The following PCDHA7 variants were observed in gnomAD, a reference collection of about 807,000 sequenced individuals.
The protein encoded by PCDHA7 is protocadherin alpha 7, also known as protocadherin alpha-7.
A neutral mutation model predicts 57.2 loss-of-function variants in PCDHA7; 37 were observed. The ratio of observed to expected loss-of-function variants is 0.65; its 90% CI spans 0.50 to 0.85. PCDHA7 has a LOEUF of 0.85. Ranked by LOEUF, PCDHA7 falls within the 40% of genes least tolerant of loss-of-function variation. PCDHA7 has a pLI of 0.00. For missense variants in PCDHA7, 1,188 were observed against 1,241.8 expected (o/e 0.96, Z 0.65); for synonymous variants, 553 against 558.8 (o/e 0.99, Z 0.15).
intron 1 of PCDHA7, chr5:140,968,792 A>G (rs200477554): frequency 2.5e-6 from 4 of 1,614,186 alleles, no homozygotes; most frequent in Admixed American, 3.3e-5. Flanking sequence ...CTCTGTGGCC[A>G]TTACAGTAGC....
intron 1 of PCDHA7, chr5:140,842,822 G>A (rs2150345251): frequency 1.9e-6 from 3 of 1,593,810 alleles, no homozygotes; most frequent in South Asian, 2.2e-5. Context: ...GCGGGTGGGC[G>A]AGCGCTCGCT....
At chr5:140,967,073 G>A (rs1554229137) in intron 1 of PCDHA7, 1 of 1,613,160 alleles carries the variant, frequency 6.2e-7, no homozygotes, top group South Asian at 1.1e-5. Flanking sequence ...CTTCGTCAAC[G>A]AGCGCATTGA....
chr5:140,968,035 G>A, intron 1 of PCDHA7: 1 of 1,614,184 alleles, frequency 6.2e-7, no homozygotes, highest in South Asian at 1.1e-5. Flanking sequence ...CACTGGTGGT[G>A]AGCGGCCCAC....
chr5:140,943,632 G>A (rs1351799858), intron 1 of PCDHA7, among the ~76,000 whole-genome samples: 1 of 152,098 alleles, frequency 6.6e-6, no homozygotes, highest in Non-Finnish European at 1.5e-5. Flanking sequence ...AAGGAAGCTG[G>A]ATTATGGATA....
At chr5:140,966,825 T>C in intron 1 of PCDHA7, 3 of 1,560,026 alleles carry the variant, frequency 1.9e-6, no homozygotes, top group Non-Finnish European at 2.6e-6. Flanking sequence ...CGGCGGCCCA[T>C]GCCCTGGCTG....
At chr5:140,849,606 C>A (rs2150442387) in intron 1 of PCDHA7, 1 of 1,598,692 alleles carries the variant, frequency 6.3e-7, no homozygotes, top group East Asian at 2.2e-5. Context: ...AGTTATTGCC[C>A]TGATTAGTGT....
chr5:140,842,984 G>T (rs2150349206), intron 1 of PCDHA7: 2 of 1,595,034 alleles, frequency 1.3e-6, no homozygotes, highest in Non-Finnish European at 8.6e-7. Flanking sequence ...GCAGGTGTTC[G>T]TGCTGGACGA....
Position 140,835,616 on chromosome 5 carries a change from C to T in PCDHA7, c.1233C>T (p.Ser411=). Residue 411 remains serine, a synonymous_variant, in exon 1 of 4, where the codon AGC becomes AGT. Coordinates refer to ENST00000525929, the MANE Select transcript of PCDHA7 (RefSeq NM_018910.3). ...ATTACTATTCATTGGTGCTGGACAGCGCTCTGGACCGCGAGAGTGTGTCCG... is the reference window on the plus strand; with the variant it reads ...ATTACTATTCATTGGTGCTGGACAGTGCTCTGGACCGCGAGAGTGTGTCCG... ...FKNYYSLVLD[S]ALDRESVSAY... is the part of the protein sequence containing the mutation. 6.2e-7 allele frequency: 1 copy of T among 1,613,886 alleles called. No homozygotes were observed. The highest frequency in any genetic ancestry group is 2.2e-5 in the East Asian group (1 of 44,828).
chr5:140,843,854 A>G, intron 1 of PCDHA7: 1 of 943,502 alleles, frequency 1.1e-6, no homozygotes, highest in Non-Finnish European at 1.6e-6. Flanking sequence ...ACCTTTTATA[A>G]TTAATTGAAT....
intron 3 of PCDHA7, among the ~76,000 whole-genome samples, chr5:141,005,407 T>C (rs2098211600): frequency 1.3e-5 from 2 of 151,168 alleles, no homozygotes; most frequent in Admixed American, 1.3e-4. Context: ...ACTTGAAGAG[T>C]GAGGAGTCAT....
intron 3 of PCDHA7, among the ~76,000 whole-genome samples, chr5:140,990,611 G>A (rs577900189): frequency 6.6e-6 from 1 of 152,116 alleles, no homozygotes; most frequent in Non-Finnish European, 1.5e-5. Context: ...GATGAATACC[G>A]TAAAGGTCTG....
chr5:140,908,351 AACTT>A (rs1422870011), intron 1 of PCDHA7, among the ~76,000 whole-genome samples: 5 of 152,154 alleles, frequency 3.3e-5, no homozygotes, highest in African/African-American at 1.2e-4. Context: ...TACCTCATGT[AACTT>A]ACTTGTGCCT....
At chr5:140,999,182 G>T (rs1285087964) in intron 3 of PCDHA7, among the ~76,000 whole-genome samples, 4 of 152,204 alleles carry the variant, frequency 2.6e-5, no homozygotes, top group Non-Finnish European at 5.9e-5. Context: ...CTGATGGGGA[G>T]AGGGTCCTTG....
chr5:140,905,152 G>T (rs2071629879), intron 1 of PCDHA7, among the ~76,000 whole-genome samples: 1 of 152,154 alleles, frequency 6.6e-6, no homozygotes. Context: ...TTATATTTTA[G>T]AATTTTCATG....
chr5:140,941,194 TC>T lies in PCDHA7; in HGVS notation c.2356-37754del, dbSNP rs1420421121. 9.3e-3 allele frequency among the ~76,000 whole-genome samples: 1,044 copies of T among 112,328 alleles called. 8 individuals carry two copies. The highest frequency in any genetic ancestry group is 0.018 in the Admixed American group (200 of 11,012). 73.7% of individuals were successfully genotyped at this position (112,328 alleles called of 152,430 possible). The stretch of plus-strand genomic sequence containing the variant: ...CTTGAACATCCTGCTTCTTTTTTTT[TC>T]TTTCTTCCTTTCTTTCTTCCTTTCT... On this transcript the variant is annotated intron_variant, in intron 1 of 3. Coordinates refer to ENST00000525929, the MANE Select transcript of PCDHA7 (RefSeq NM_018910.3).
In PCDHA7 at chr5:140,982,645, G is replaced by A. The variant is rs2096993238; in HGVS notation, c.2503+82G>A. 3.3e-6 allele frequency: 5 copies of A among 1,522,444 alleles called. No homozygotes were observed. In the East Asian group the frequency reaches 1.2e-4, roughly 36 times the overall value. 94.3% of individuals were successfully genotyped at this position (1,522,444 alleles called of 1,614,324 possible). A position where few individuals can be genotyped will look rare whatever the true frequency, so the allele number is the denominator to read the frequency against. On this transcript the variant is annotated intron_variant, in intron 3 of 3. Transcript: ENST00000525929. ...CTACTTTTGTAAGATCAGGAATGTT[G>A]ATGGCTCTTTTTCTTTTATATTTTT...
chr5:140,941,961 T>A (rs150142414), intron 1 of PCDHA7, among the ~76,000 whole-genome samples: 2 of 152,214 alleles, frequency 1.3e-5, no homozygotes, highest in African/African-American at 4.8e-5. Flanking sequence ...AACAATAGTA[T>A]CTTTACTTTC....
chr5:140,991,838 G>T (rs1056330823), intron 3 of PCDHA7, among the ~76,000 whole-genome samples: 1 of 152,110 alleles, frequency 6.6e-6, no homozygotes, highest in Non-Finnish European at 1.5e-5. Context: ...CGGCAGAACC[G>T]CACTTCCAGA....
intron 1 of PCDHA7, chr5:140,843,946 C>A: frequency 1.8e-6 from 1 of 563,342 alleles, no homozygotes; most frequent in Non-Finnish European, 3.1e-6. Context: ...TGGATGATAT[C>A]CATTTTTTAC....
Sources: gnomAD v4.1 joint callset for allele counts (sites outside exome capture counted in the v4.1 genomes callset) on GRCh38, gnomAD v4.1.1 for gene constraint, MANE v1.5 for transcripts, NCBI Gene and HGNC (gene_info 2026-07-23, HGNC 2026-07-21) for gene names.